The following EFCAB7 variants were observed in gnomAD, a reference collection of about 807,000 sequenced individuals.
EFCAB7 encodes the protein EF-hand calcium binding domain 7, also known as EF-hand calcium-binding domain-containing protein 7.
EFCAB7 carries 66 observed loss-of-function variants against 77.1 expected under a neutral mutation model. The observed-to-expected ratio is 0.86, with a 90% CI of 0.70 to 1.05. The LOEUF (loss-of-function observed/expected upper bound fraction) is 1.05, where lower values mean the gene tolerates loss of function less well. EFCAB7 is among the 50% of genes least tolerant of loss of function. EFCAB7 has a pLI of 0.00. For synonymous variants in EFCAB7, 225 were observed against 243.3 expected, an observed-to-expected ratio of 0.92 and a Z score of 0.70; for missense variants, 638 against 730.5, an observed-to-expected ratio of 0.87 and a Z score of 1.46.
chr1:63,560,394 G>A (rs545066099), intron 10 of EFCAB7, among the ~76,000 whole-genome samples: 10 of 150,718 alleles, frequency 6.6e-5, no homozygotes, highest in South Asian at 2.1e-4. Context: ...TTTTTTCATC[G>A]TTTCTACATA....
At chr1:63,530,052 A>G (rs946045576) in intron 2 of EFCAB7, among the ~76,000 whole-genome samples, 1 of 152,262 alleles carries the variant, frequency 6.6e-6, no homozygotes, top group East Asian at 1.9e-4. Flanking sequence ...TCTAGAATAT[A>G]AAATTTCTTT....
intron 11 of EFCAB7, among the ~76,000 whole-genome samples, chr1:63,565,784 G>A (rs1221996343): frequency 6.6e-6 from 1 of 152,158 alleles, no homozygotes; most frequent in Middle Eastern, 3.2e-3. Flanking sequence ...CTGATCATTA[G>A]AGAAATGCAA....
intron 6 of EFCAB7, 186 bp downstream of exon 6, chr1:63,534,402 G>A: frequency 2.3e-6 from 1 of 434,886 alleles, no homozygotes; most frequent in Non-Finnish European, 4.0e-6. Context: ...ATTATTATAA[G>A]GTCTTCAGTT....
At chr1:63,573,369 T>C (rs1279346943), downstream of EFCAB7, among the ~76,000 whole-genome samples, 2 of 152,098 alleles carry the variant, frequency 1.3e-5, no homozygotes, top group Non-Finnish European at 2.9e-5. Context: ...CAGTTCTGTA[T>C]GAATTGAAAA....
At chr1:63,584,727 T>C in the EFCAB7 span, among the ~76,000 whole-genome samples, 3 of 152,200 alleles carry the variant, frequency 2.0e-5, no homozygotes, top group Admixed American at 1.3e-4. Flanking sequence ...GAACAGTAAA[T>C]ATATGTTCTC....
At chr1:63,526,868 G>T (rs1222290869) in intron 2 of EFCAB7, among the ~76,000 whole-genome samples, 2 of 152,054 alleles carry the variant, frequency 1.3e-5, no homozygotes, top group African/African-American at 4.8e-5. Context: ...GGGTTCCAGC[G>T]ATTCTCCTGC....
chr1:63,545,788 C>G, intron 6 of EFCAB7, 128 bp from the exon 7 acceptor site: 1 of 789,142 alleles, frequency 1.3e-6, no homozygotes, highest in South Asian at 1.7e-5. Flanking sequence ...AACTATGTTG[C>G]ACATTCCTGG....
chr1:63,524,531 A>G (rs927526878), intron 1 of EFCAB7, among the ~76,000 whole-genome samples: 2 of 152,226 alleles, frequency 1.3e-5, no homozygotes, highest in East Asian at 1.9e-4. Context: ...TAGGAATGCA[A>G]TGAGTCCTGA....
chr1:63,556,294 G>A (rs1449394269), intron 9 of EFCAB7, among the ~76,000 whole-genome samples: 4 of 151,972 alleles, frequency 2.6e-5, no homozygotes, highest in Non-Finnish European at 4.4e-5. Context: ...ATGAGATAAT[G>A]GCTATGTTAA....
intron 6 of EFCAB7, among the ~76,000 whole-genome samples, chr1:63,535,421 G>C (rs1646751413): frequency 6.6e-6 from 1 of 151,942 alleles, no homozygotes; most frequent in Admixed American, 6.6e-5. Flanking sequence ...CTACACTATA[G>C]CATAGTATTT....
intron 10 of EFCAB7, among the ~76,000 whole-genome samples, chr1:63,559,565 G>A (rs776909247): frequency 1.3e-5 from 2 of 152,002 alleles, no homozygotes; most frequent in Non-Finnish European, 2.9e-5. Flanking sequence ...AGGCTCAAGC[G>A]ATCCTCTCAC....
At chr1:63,543,458 A>T (rs1646853546) in intron 6 of EFCAB7, among the ~76,000 whole-genome samples, 1 of 152,202 alleles carries the variant, frequency 6.6e-6, no homozygotes. Context: ...AGCAGTGTTT[A>T]TTAAAATGTA....
At chr1:63,532,918 TTAACA>T (rs1433028294) in intron 4 of EFCAB7, among the ~76,000 whole-genome samples, 162 bp downstream of exon 4, 1 of 152,160 alleles carries the variant, frequency 6.6e-6, no homozygotes, top group Non-Finnish European at 1.5e-5. Flanking sequence ...TGTCAACTAA[TTAACA>T]TGTCAGCAAA....
At position 63,523,625 on chromosome 1, in the gene EFCAB7, C is replaced by T. The variant is rs144554384; in HGVS notation, c.-11C>T. On this transcript the variant is annotated 5_prime_UTR_variant, in exon 1 of 14. Coordinates refer to ENST00000371088, the MANE Select transcript of EFCAB7 (RefSeq NM_032437.4). ...TTGGCTGCGCTTCCTTGTTTGTGAG[C>T]TAGAATTAGGTAGCAAACAGCTCGC... 3.3e-3 allele frequency: 613 copies of T among 187,372 alleles called. 3 individuals carry two copies. Among genetic ancestry groups the T allele is most frequent in the African/African-American group, 0.014 (584 of 42,430 alleles). The allele number at this position is 187,372 out of a possible 1,614,324, so 11.6% of individuals were successfully genotyped here.
chr1:63,557,312 A>C, intron 10 of EFCAB7, 65 bp downstream of exon 10: 6 of 1,419,872 alleles, frequency 4.2e-6, no homozygotes, highest in Non-Finnish European at 5.7e-6. Flanking sequence ...TTCATCTCTA[A>C]GAAATGAGAA....
At chr1:63,524,819 C>A (rs1174954150) in intron 1 of EFCAB7, among the ~76,000 whole-genome samples, 2 of 152,122 alleles carry the variant, frequency 1.3e-5, no homozygotes, top group African/African-American at 4.8e-5. Context: ...CAAAAAAATA[C>A]CTGACCGCTG....
chr1:63,584,279 G>C, the EFCAB7 span, among the ~76,000 whole-genome samples: 1 of 152,170 alleles, frequency 6.6e-6, no homozygotes, highest in African/African-American at 2.4e-5. Flanking sequence ...AGTGTAGCCG[G>C]GTGTGGTGGC....
chr1:63,566,807 G>T (rs1167844255), intron 11 of EFCAB7, among the ~76,000 whole-genome samples: 1 of 150,396 alleles, frequency 6.6e-6, no homozygotes, highest in African/African-American at 2.4e-5. Flanking sequence ...TCTTAAAAAG[G>T]CAAATTTATT....
chr1:63,536,375 C>A (rs1047287383), intron 6 of EFCAB7, among the ~76,000 whole-genome samples: 2 of 151,714 alleles, frequency 1.3e-5, no homozygotes, highest in African/African-American at 4.8e-5. Flanking sequence ...TTTTTCTTTT[C>A]TTTATTTATT....
Sources: allele counts gnomAD v4.1 joint callset (sites outside exome capture counted in the v4.1 genomes callset), GRCh38; gene constraint gnomAD v4.1.1; transcripts MANE v1.5; gene names NCBI Gene and HGNC (gene_info 2026-07-23, HGNC 2026-07-21).